The following C5 variants were observed in gnomAD, a reference collection of about 807,000 sequenced individuals.
C5 encodes C3 and PZP-like alpha-2-macroglobulin domain-containing protein 4.
A neutral mutation model predicts 218.8 loss-of-function variants in C5; 140 were observed. That is an observed-to-expected ratio of 0.64 (90% CI 0.56 to 0.74). C5 has a LOEUF of 0.74. Ranked by LOEUF, C5 falls within the 30% of genes least tolerant of loss-of-function variation. The pLI is 0.00. For missense variants in C5, 1,700 were observed against 1,969.6 expected (o/e 0.86, Z 2.59); for synonymous variants, 614 against 682.3 (o/e 0.90, Z 1.56).
chr9:121,052,596 C>A (rs2047678219), upstream of C5, among the ~76,000 whole-genome samples: 1 of 152,008 alleles, frequency 6.6e-6, no homozygotes, highest in Non-Finnish European at 1.5e-5. Context: ...GGTCACCTGA[C>A]CTTCCTGCTA....
intron 5 of C5, 27 bp from the exon 6 acceptor site, chr9:121,032,222 T>C (rs747258940): frequency 1.5e-6 from 2 of 1,348,682 alleles, no homozygotes; most frequent in African/African-American, 1.4e-5. Context: ...TTTAAAATTA[T>C]AGATGTCATC....
In C5 at chr9:120,977,007, T is replaced by G. The variant is rs1053622497; in HGVS notation, c.3659-102A>C. ...TGGCCTTCCAGTTTCTAGAAGCTACTTACTTTTTCTTGTTAGAGGAACTTC... is the reference window on the plus strand; with the variant it reads ...TGGCCTTCCAGTTTCTAGAAGCTACGTACTTTTTCTTGTTAGAGGAACTTC... On this transcript the variant is annotated intron_variant, in intron 28 of 40. Transcript: ENST00000223642. 1.5e-5 allele frequency: 15 copies of G among 993,694 alleles called. No individual in the cohort carries two copies. The African/African-American group carries it at 1.8e-4, about 12-fold the overall frequency. 61.6% of individuals were successfully genotyped at this position (993,694 alleles called of 1,614,324 possible). A position where few individuals can be genotyped will look rare whatever the true frequency, so the allele number is the denominator to read the frequency against.
At chr9:121,031,038 G>A (rs1015664795) in intron 6 of C5, among the ~76,000 whole-genome samples, 1 of 152,098 alleles carries the variant, frequency 6.6e-6, no homozygotes, top group African/African-American at 2.4e-5. Context: ...CAGAGAGCCT[G>A]TAATCTTTAA....
At chr9:120,991,974 TC>T (rs1008010815) in intron 22 of C5, among the ~76,000 whole-genome samples, 4 of 152,176 alleles carry the variant, frequency 2.6e-5, no homozygotes, top group Admixed American at 1.3e-4. Flanking sequence ...GTGTTCAAGG[TC>T]CCAGAAACAA....
chr9:120,957,390 T>C (rs376432929), intron 38 of C5, 22 bp from the exon 39 acceptor site: 21 of 1,574,326 alleles, frequency 1.3e-5, no homozygotes, highest in Non-Finnish European at 1.7e-5. Flanking sequence ...CAAACAACAA[T>C]GAAACAATTC....
intron 33 of C5, among the ~76,000 whole-genome samples, chr9:120,966,465 T>C (rs938882223): frequency 3.9e-5 from 6 of 152,204 alleles, no homozygotes; most frequent in Non-Finnish European, 7.3e-5. Context: ...CTGGAGTTCT[T>C]ACTGGTAGAG....
Position 120,989,043 on chromosome 9 carries a change from T to C in C5, c.3230+3A>G. The C allele has an allele frequency of 6.2e-7, 1 of 1,605,672 alleles. No individual in the cohort carries two copies. On this transcript the variant is annotated splice_donor_region_variant and intron_variant, in intron 25 of 40. Transcript: ENST00000223642. ...AAAATGCAACTCAAAATCTTCTACT[T>C]ACCAAGTGCTAGCACTTCCACCCTT...
At chr9:121,017,930 T>C in intron 12 of C5, 78 bp from the exon 13 acceptor site, 1 of 873,268 alleles carries the variant, frequency 1.1e-6, no homozygotes. Flanking sequence ...GGATGCAGCC[T>C]GGAGCTGGAG....
At chr9:121,029,683 G>T (rs1379700168) in intron 7 of C5, among the ~76,000 whole-genome samples, 1 of 152,200 alleles carries the variant, frequency 6.6e-6, no homozygotes, top group Non-Finnish European at 1.5e-5. Flanking sequence ...TGTGGGAGGG[G>T]TCTATTTCCT....
chr9:120,971,596 C>A (rs1159030642), intron 31 of C5, among the ~76,000 whole-genome samples: 1 of 152,104 alleles, frequency 6.6e-6, no homozygotes, highest in Non-Finnish European at 1.5e-5. Flanking sequence ...CGCCACCATG[C>A]CCGGCTAATT....
chr9:121,022,925 A>T (rs777194048), intron 10 of C5, among the ~76,000 whole-genome samples: 26 of 152,110 alleles, frequency 1.7e-4, no homozygotes, highest in Middle Eastern at 3.2e-3. Context: ...CAGAGACGAG[A>T]GATTGAACAG....
At position 120,952,962 on chromosome 9, in the gene C5, C is replaced by T. The variant is rs575852194; in HGVS notation, c.4902-94G>A. On this transcript the variant is annotated intron_variant, in intron 40 of 40. Transcript: ENST00000223642. ...TTTTTGAGACGGAGTCTTGCTCAGT[C>T]GCCCATGCTGGAGTGCAGTGGCGTG... is the stretch of plus-strand genomic sequence containing the variant. 1.3e-4 allele frequency: 180 copies of T among 1,405,184 alleles called. 1 individual carries two copies. The highest frequency in any genetic ancestry group is 7.9e-4 in the Admixed American group (45 of 56,740). 87.0% of individuals were successfully genotyped at this position (1,405,184 alleles called of 1,614,324 possible). A position where few individuals can be genotyped will look rare whatever the true frequency, so the allele number is the denominator to read the frequency against.
Position 120,962,785 on chromosome 9 carries a change from C to G in C5, c.4399-9G>C, listed in dbSNP as rs765216720. ...AAATCACTGGAGGGAATCTGTTTAACAAATTCAAGGATTTAAGGAAATTAT... is the reference window on the plus strand; with the variant it reads ...AAATCACTGGAGGGAATCTGTTTAAGAAATTCAAGGATTTAAGGAAATTAT... On this transcript the variant is annotated splice_polypyrimidine_tract_variant and intron_variant, in intron 35 of 40. Coordinates refer to ENST00000223642, the MANE Select transcript of C5 (RefSeq NM_001735.3). 3 of 1,611,218 alleles carry G rather than the reference C, an allele frequency of 1.9e-6. No individual in the cohort carries two copies. Among genetic ancestry groups the G allele is most frequent in the Non-Finnish European group, 2.5e-6 (3 of 1,177,406 alleles).
chr9:120,958,728 T>C (rs2046804610), intron 38 of C5, among the ~76,000 whole-genome samples: 1 of 152,222 alleles, frequency 6.6e-6, no homozygotes, highest in Admixed American at 6.5e-5. Flanking sequence ...ACTTGCTTTC[T>C]GCATGACCTT....
At chr9:121,053,587 T>G (rs1450365272), upstream of C5, among the ~76,000 whole-genome samples, 1 of 152,030 alleles carries the variant, frequency 6.6e-6, no homozygotes, top group African/African-American at 2.4e-5. Context: ...GTGATCACAG[T>G]GCCTACTTTT....
In C5 at chr9:120,997,770, C is replaced by T. The variant is rs2047129452; in HGVS notation, c.2567G>A (p.Cys856Tyr). 1.9e-6 allele frequency: 3 copies of T among 1,612,464 alleles called. No individual in the cohort carries two copies. The highest frequency in any genetic ancestry group is 1.1e-5 in the South Asian group (1 of 91,006). ...TCCCTCCACAGCAGACATTTTAACA[C>T]AGAACTGAAATACAAGTGAAGAATT... is the stretch of plus-strand genomic sequence containing the variant. ...YNYRTSGMQF[C>Y]VKMSAVEGIC... The change falls in exon 21 of 41, where the codon TGT becomes TAT. Residue 856 changes from cysteine (C) to tyrosine (Y), a missense_variant. Physicochemically the swap from Cys to Tyr is radical, Grantham distance 194 (BLOSUM62 -2). Transcript: ENST00000223642.
chr9:121,017,778 G>GTTTATACCT lies in C5; in HGVS notation c.1580_1581insAGGTATAAA (p.Ile526_Asn527insLysGlyIle). 1 of 1,613,564 alleles carries GTTTATACCT rather than the reference G, an allele frequency of 6.2e-7. No individual in the cohort carries two copies. The highest frequency in any genetic ancestry group is 8.5e-7 in the Non-Finnish European group (1 of 1,179,580). ...GAACCATGTTCTGTGTTACTGGAATGTTTATACTTTGATAAGATGCATCTG... is the reference window on the plus strand; with the variant it reads ...GAACCATGTTCTGTGTTACTGGAATGTTTATACCTTTTATACTTTGATAAGATGCATCTG... On this transcript the variant is annotated inframe_insertion, in exon 13 of 41. Coordinates refer to ENST00000223642, the MANE Select transcript of C5 (RefSeq NM_001735.3).
Position 121,001,940 on chromosome 9 carries a change from T to C in C5, c.2562+3979A>G, listed in dbSNP as rs2047164672. ...GCAGACTTTGCAAAATCAGTTATAATAGTGAAAACCTGTAAACAACCCAAA... is the reference window on the plus strand; with the variant it reads ...GCAGACTTTGCAAAATCAGTTATAACAGTGAAAACCTGTAAACAACCCAAA... On this transcript the variant is annotated intron_variant, in intron 20 of 40. Transcript: ENST00000223642. Among the ~76,000 whole-genome samples, 3 of 151,954 alleles carry C rather than the reference T, an allele frequency of 2.0e-5. 1 individual carries two copies. In the South Asian group the frequency reaches 6.2e-4, roughly 31 times the overall value.
chr9:121,006,794 A>G (rs2047219401), intron 19 of C5, 110 bp downstream of exon 19: 1 of 761,864 alleles, frequency 1.3e-6, no homozygotes, highest in Non-Finnish European at 2.3e-6. Flanking sequence ...AATATTTTTT[A>G]AAAATTGCTA....
Sources: allele counts gnomAD v4.1 joint callset (sites outside exome capture counted in the v4.1 genomes callset), GRCh38; gene constraint gnomAD v4.1.1; transcripts MANE v1.5; gene names NCBI Gene and HGNC (gene_info 2026-07-23, HGNC 2026-07-21).